TLK2: variants seen among roughly 807,000 people sequenced by gnomAD.
TLK2 encodes the protein serine/threonine-protein kinase tousled-like 2.
In TLK2, 6 loss-of-function variants were observed where a neutral mutation model predicts 117.3. That is an observed-to-expected ratio of 0.05 (90% confidence interval 0.03 to 0.10). TLK2 has a LOEUF of 0.10. TLK2 is among the 10% of genes least tolerant of loss of function. The probability of loss-of-function intolerance (pLI) is 1.00; values close to 1 mark genes in which losing one functional copy is unlikely to be tolerated. For missense variants in TLK2, 299 were observed against 901.2 expected (o/e 0.33, Z 8.56); for synonymous variants, 257 against 316.7 (o/e 0.81, Z 2.00).
upstream of TLK2, among the ~76,000 whole-genome samples, chr17:62,478,725 C>T (rs1393836616): frequency 1.0e-5 from 1 of 97,428 alleles, no homozygotes; most frequent in Non-Finnish European, 2.2e-5. Context: ...TGCTCCCCCA[C>T]TGTCGGCGCT....
At chr17:62,591,785 T>G (rs2082100972) in intron 16 of TLK2, among the ~76,000 whole-genome samples, 1 of 152,222 alleles carries the variant, frequency 6.6e-6, no homozygotes, top group South Asian at 2.1e-4. Flanking sequence ...TTTGGTATAC[T>G]GGAGTTTACC....
chr17:62,531,222 C>T (rs1182430211), intron 6 of TLK2, among the ~76,000 whole-genome samples: 1 of 151,964 alleles, frequency 6.6e-6, no homozygotes, highest in East Asian at 1.9e-4. Context: ...ATTAACCATA[C>T]ATTATACTTT....
intron 2 of TLK2, among the ~76,000 whole-genome samples, chr17:62,510,323 A>C (rs1221127469): frequency 6.6e-6 from 1 of 152,166 alleles, no homozygotes; most frequent in African/African-American, 2.4e-5. Flanking sequence ...CCTACAGACT[A>C]AGTATGGCTT....
At chr17:62,490,868 T>G (rs1299056999) in intron 2 of TLK2, among the ~76,000 whole-genome samples, 2 of 152,180 alleles carry the variant, frequency 1.3e-5, no homozygotes, top group Non-Finnish European at 2.9e-5. Flanking sequence ...TCTTTAGAAT[T>G]TAATCTGCAA....
At chr17:62,593,557 A>G (rs1370916475) in intron 16 of TLK2, among the ~76,000 whole-genome samples, 1 of 151,928 alleles carries the variant, frequency 6.6e-6, no homozygotes, top group African/African-American at 2.4e-5. Context: ...TTTTTTGTTA[A>G]GAACTAAGGC....
In TLK2 at chr17:62,606,172, A is replaced by G. The variant is rs1422221829; in HGVS notation, c.1902A>G (p.Pro634=). 6.3e-7 allele frequency: 1 copy of G among 1,597,276 alleles called. No homozygotes were observed. Among genetic ancestry groups the G allele is most frequent in the Admixed American group, 1.7e-5 (1 of 59,692 alleles). The change falls in exon 20 of 22, where the codon CCA becomes CCG. Residue 634 remains proline, a synonymous_variant. Transcript: ENST00000346027. ...GTTTTGTGGTTGGGAAAGAACCACC[A>G]AAGATCTCAAATAAAGTTGATGTGT... ...PECFVVGKEP[P]KISNKVDVWS...
chr17:62,505,407 ATT>A (rs544900638), intron 2 of TLK2, among the ~76,000 whole-genome samples: 165 of 53,758 alleles, frequency 3.1e-3, no homozygotes, highest in African/African-American at 7.9e-3. Flanking sequence ...CCATACCCAG[ATT>A]TTTTTTTTTT....
chr17:62,568,402 A>C (rs965144118), intron 11 of TLK2, among the ~76,000 whole-genome samples: 1 of 147,278 alleles, frequency 6.8e-6, no homozygotes, highest in African/African-American at 2.5e-5. Flanking sequence ...ACTGCACTCC[A>C]GGCTGGGTGA....
At chr17:62,594,994 C>CT (rs1185589095) in intron 16 of TLK2, among the ~76,000 whole-genome samples, 1 of 152,182 alleles carries the variant, frequency 6.6e-6, no homozygotes, top group African/African-American at 2.4e-5. Context: ...CGGAGTCTAA[C>CT]TTTATCACCC....
At chr17:62,594,174 A>G (rs1207144270) in intron 16 of TLK2, among the ~76,000 whole-genome samples, 2 of 151,786 alleles carry the variant, frequency 1.3e-5, no homozygotes, top group Non-Finnish European at 2.9e-5. Flanking sequence ...TTGGGAGGCC[A>G]TGGCAGGCGG....
intron 2 of TLK2, among the ~76,000 whole-genome samples, chr17:62,492,965 G>A (rs1357490694): frequency 6.6e-6 from 1 of 152,050 alleles, no homozygotes; most frequent in African/African-American, 2.4e-5. Flanking sequence ...GGGCATGTTG[G>A]TGGGCACCTG....
chr17:62,578,495 G>A lies in TLK2; in HGVS notation c.1207G>A (p.Ala403Thr). The change falls in exon 14 of 22, where the codon GCA becomes ACA. Residue 403 changes from alanine (A) to threonine (T), a missense_variant. Around this residue, in one of 4 missense-constraint regions of TLK2, gnomAD observed 94 missense variants for 282.6 expected, o/e 0.33. Transcript: ENST00000346027. Reference protein sequence around the residue: ...HLKKEEAEIQAELERLERVRN... With the variant: ...HLKKEEAEIQTELERLERVRN... The stretch of plus-strand genomic sequence containing the variant: ...GCTTTAGGAGGAAGCAGAGATCCAG[G>A]CAGAGCTGGAGAGACTAGAAAGGGT... The A allele has an allele frequency of 6.2e-7, 1 of 1,613,766 alleles. No individual in the cohort carries two copies. Among genetic ancestry groups the A allele is most frequent in the Non-Finnish European group, 8.5e-7 (1 of 1,179,840 alleles).
intron 2 of TLK2, among the ~76,000 whole-genome samples, chr17:62,495,651 A>G (rs1236516799): frequency 3.7e-5 from 2 of 54,370 alleles, no homozygotes; most frequent in African/African-American, 8.0e-5. Context: ...AAATTTTAAA[A>G]ATTATATATA....
chr17:62,487,964 A>C (rs1438052734), intron 2 of TLK2, among the ~76,000 whole-genome samples: 3 of 149,372 alleles, frequency 2.0e-5, no homozygotes, highest in Non-Finnish European at 4.4e-5. Context: ...TTGGAGACGG[A>C]GTTTCACTCT....
rs980156853 is a variant in TLK2, at chr17:62,587,675, C to T, written c.1460+1449C>T. Among the ~76,000 whole-genome samples the T allele has an allele frequency of 3.9e-5, 6 of 152,232 alleles. No homozygotes were observed. The East Asian group carries it at 5.8e-4, about 15-fold the overall frequency. ...AGAAGGGATGACCTGTGGCACCCTG[C>T]GTGTGTTTCTTAGGTGACAGGCAGC... On this transcript the variant is annotated intron_variant, in intron 16 of 21. Coordinates refer to ENST00000346027, the MANE Select transcript of TLK2 (RefSeq NM_006852.6).
chr17:62,551,753 T>C (rs2078481182), intron 7 of TLK2: 1 of 154,628 alleles, frequency 6.5e-6, no homozygotes, highest in Non-Finnish European at 1.4e-5. Flanking sequence ...ATAATTAACC[T>C]GAATAGGTTA....
chr17:62,509,478 A>T (rs568083872), intron 2 of TLK2, among the ~76,000 whole-genome samples: 4 of 152,388 alleles, frequency 2.6e-5, no homozygotes, highest in African/African-American at 9.6e-5. Flanking sequence ...AACATGAAAA[A>T]GTAAAAGTGA....
At chr17:62,495,443 C>G (rs1478205261) in intron 2 of TLK2, among the ~76,000 whole-genome samples, 1 of 151,388 alleles carries the variant, frequency 6.6e-6, no homozygotes, top group Non-Finnish European at 1.5e-5. Flanking sequence ...TAGATAGGGT[C>G]TCACTCTGTC....
In TLK2 at chr17:62,606,101, T is replaced by C. The variant is rs191460788; in HGVS notation, c.1860-29T>C. The C allele has an allele frequency of 2.2e-5, 24 of 1,084,780 alleles. No individual in the cohort carries two copies. The African/African-American group carries it at 3.8e-4, about 17-fold the overall frequency. 67.2% of individuals were successfully genotyped at this position (1,084,780 alleles called of 1,614,324 possible). On this transcript the variant is annotated intron_variant, in intron 19 of 21. Transcript: ENST00000346027. The stretch of plus-strand genomic sequence containing the variant: ...TCTTAAACTTATATGATCATTATTC[T>C]AATAATTTATATTTCTTTTTTGTCC...
Sources: allele counts gnomAD v4.1 joint callset (sites outside exome capture counted in the v4.1 genomes callset), GRCh38; gene constraint gnomAD v4.1.1; regional missense constraint gnomAD v4.1.1; transcripts MANE v1.5; gene names NCBI Gene and HGNC (gene_info 2026-07-23, HGNC 2026-07-21).